PPT2: variants seen among roughly 807,000 people sequenced by gnomAD.
PPT2 encodes lysosomal thioesterase PPT2.
PPT2 carries 20 observed loss-of-function variants against 37.3 expected under a neutral mutation model. The observed-to-expected ratio is 0.54, with a 90% CI of 0.38 to 0.78. The LOEUF (loss-of-function observed/expected upper bound fraction) is 0.78. Ranked by LOEUF, PPT2 falls within the 30% of genes least tolerant of loss-of-function variation. The pLI is 0.00. For synonymous variants in PPT2, 135 were observed against 159.1 expected (o/e 0.85, Z 1.14); for missense variants, 270 against 389.8 (o/e 0.69, Z 2.59).
At chr6:32,153,555 G>A (rs1020828577), upstream of PPT2, 81 of 1,542,954 alleles carry the variant, frequency 5.2e-5, no homozygotes, top group African/African-American at 9.6e-5. This position sits in a 1 kb window ranked among gnomAD's most constrained non-coding sequence, Gnocchi z 4.4. Flanking sequence ...ACTGGGCCAG[G>A]CTGCACTTAG....
chr6:32,154,344 T>G lies in PPT2; in HGVS notation c.-69T>G, dbSNP rs1783579574. 7.1e-7 allele frequency: 1 copy of G among 1,414,850 alleles called. No individual in the cohort carries two copies. Among genetic ancestry groups the G allele is most frequent in the African/African-American group, 1.4e-5 (1 of 69,426 alleles). 87.6% of individuals were successfully genotyped at this position (1,414,850 alleles called of 1,614,324 possible). A position where few individuals can be genotyped will look rare whatever the true frequency, so the allele number is the denominator to read the frequency against. The stretch of plus-strand genomic sequence containing the variant: ...CTGAGGCGATGCATTAGGAAGATCC[T>G]GGACCTAGAGAACAAGTCCCCCGAA... On this transcript the variant is annotated 5_prime_UTR_variant, in exon 1 of 9. Transcript: ENST00000324816. This position sits in a 1 kb window ranked among gnomAD's most constrained non-coding sequence, Gnocchi z 7.3.
chr6:32,156,101 C>A lies in PPT2; in HGVS notation c.541+123C>A. 2.4e-6 allele frequency: 2 copies of A among 822,846 alleles called. No homozygotes were observed. The highest frequency in any genetic ancestry group is 2.6e-5 in the East Asian group (1 of 38,514). 51.0% of individuals were successfully genotyped at this position (822,846 alleles called of 1,614,324 possible). A position where few individuals can be genotyped will look rare whatever the true frequency, so the allele number is the denominator to read the frequency against. On this transcript the variant is annotated intron_variant, in intron 5 of 8. Coordinates refer to ENST00000324816, the MANE Select transcript of PPT2 (RefSeq NM_005155.7). The surrounding 1 kb of genome is among the most constrained non-coding windows in gnomAD (Gnocchi z 4.9). ...ATTTATTGAGTTATTTGAACAGGCT[C>A]TGTTCAGAATTTTTTTTTTTTTTGA...
In PPT2 at chr6:32,162,013, C is replaced by T. The variant is rs1482452402; in HGVS notation, c.711-555C>T. ...GATTACAGGTGTGAGCCACCTCGCC[C>T]GGCCAGTAATGCATTTTTGATGGGG... On this transcript the variant is annotated intron_variant, in intron 7 of 8. Transcript: ENST00000324816. The surrounding 1 kb of genome is among the most constrained non-coding windows in gnomAD (Gnocchi z 5.5). Among the ~76,000 whole-genome samples the T allele has an allele frequency of 2.6e-5, 4 of 152,084 alleles. No individual in the cohort carries two copies. The highest frequency in any genetic ancestry group is 2.9e-5 in the Non-Finnish European group (2 of 68,030).
chr6:32,159,191 T>G lies in PPT2; in HGVS notation c.710+1267T>G, dbSNP rs986404836. 9.2e-5 allele frequency among the ~76,000 whole-genome samples: 14 copies of G among 151,938 alleles called. 1 individual carries two copies. The highest frequency in any genetic ancestry group is 2.9e-4 in the African/African-American group (12 of 41,448). On this transcript the variant is annotated intron_variant, in intron 7 of 8. Coordinates refer to ENST00000324816, the MANE Select transcript of PPT2 (RefSeq NM_005155.7). The stretch of plus-strand genomic sequence containing the variant: ...GGCTCACGCCTGTAATCCCAGCACT[T>G]TGGGAGGCCGAGGCAGTGGATCACC...
chr6:32,157,749 C>T, intron 6 of PPT2, 29 bp downstream of exon 6: 1 of 1,568,806 alleles, frequency 6.4e-7, no homozygotes, highest in East Asian at 2.2e-5. Context: ...ACCTGTGTTG[C>T]TTTTTCTGCT....
At chr6:32,158,086 C>T (rs1327798150) in intron 7 of PPT2, 162 bp downstream of exon 7, 3 of 619,184 alleles carry the variant, frequency 4.8e-6, no homozygotes, top group African/African-American at 3.7e-5. Context: ...AGTCATATCC[C>T]AACCCCTTGT....
chr6:32,156,449 G>T lies in PPT2; in HGVS notation c.541+471G>T, dbSNP rs76528391. Reference sequence around the variant, plus strand: ...TCACCTTATTGCCTTAGAAGGTTTAGTCTGATGTGGGAGTCAGCAAACCTT... The same window carrying T: ...TCACCTTATTGCCTTAGAAGGTTTATTCTGATGTGGGAGTCAGCAAACCTT... On this transcript the variant is annotated intron_variant, in intron 5 of 8. Transcript: ENST00000324816. This position sits in a 1 kb window ranked among gnomAD's most constrained non-coding sequence, Gnocchi z 4.9. 7.5e-3 allele frequency among the ~76,000 whole-genome samples: 1,145 copies of T among 152,316 alleles called. 67 individuals are homozygous for T. In the East Asian group the frequency reaches 0.11, roughly 14 times the overall value.
At position 32,162,312 on chromosome 6, in the gene PPT2, C is replaced by T. The variant is rs112092191; in HGVS notation, c.711-256C>T. ...TCGACTCAATGCAACCTCCACCTCC[C>T]GGGTTCAAGTAATTATCCTGCCTCA... On this transcript the variant is annotated intron_variant, in intron 7 of 8. Coordinates refer to ENST00000324816, the MANE Select transcript of PPT2 (RefSeq NM_005155.7). This position sits in a 1 kb window ranked among gnomAD's most constrained non-coding sequence, Gnocchi z 5.5. 0.022 allele frequency among the ~76,000 whole-genome samples: 3,315 copies of T among 152,252 alleles called. 50 individuals carry two copies. Among genetic ancestry groups the T allele is most frequent in the Non-Finnish European group, 0.029 (1,991 of 68,004 alleles).
Position 32,155,156 on chromosome 6 carries a change from G to A in PPT2, c.310G>A (p.Gly104Arg). ...CCCCATCATGGCAAAGGCCCCTCAA[G>A]GGGTGCATCTCATCTGCTACTCGCA... is the stretch of plus-strand genomic sequence containing the variant. Reference protein sequence around the residue: ...VVPIMAKAPQGVHLICYSQGG... With the variant: ...VVPIMAKAPQRVHLICYSQGG... The change falls in exon 3 of 9, where the codon GGG (glycine) becomes AGG (arginine). Residue 104 changes from glycine (G) to arginine (R), a missense_variant. Physicochemically the swap from Gly to Arg is moderately radical, Grantham distance 125. Coordinates refer to ENST00000324816, the MANE Select transcript of PPT2 (RefSeq NM_005155.7). The surrounding 1 kb of genome is among the most constrained non-coding windows in gnomAD (Gnocchi z 4.3). 1 of 1,613,088 alleles carries A rather than the reference G, an allele frequency of 6.2e-7. No individual in the cohort carries two copies. Among genetic ancestry groups the A allele is most frequent in the Non-Finnish European group, 8.5e-7 (1 of 1,179,992 alleles).
rs556829505 is a variant in PPT2, at chr6:32,155,369, T to C, written c.337+186T>C. On this transcript the variant is annotated intron_variant, in intron 3 of 8. Coordinates refer to ENST00000324816, the MANE Select transcript of PPT2 (RefSeq NM_005155.7). The surrounding 1 kb of genome is among the most constrained non-coding windows in gnomAD (Gnocchi z 4.3). ...TCTCTGTCTTGAATGGGAGGGAGGC[T>C]CCCTACACTGCTGCCCTTTTGCTTC... Among the ~76,000 whole-genome samples the C allele has an allele frequency of 1.3e-5, 2 of 152,276 alleles. No individual in the cohort carries two copies. Among genetic ancestry groups the C allele is most frequent in the African/African-American group, 4.8e-5 (2 of 41,548 alleles).
At chr6:32,160,114 G>A (rs377251069) in intron 7 of PPT2, among the ~76,000 whole-genome samples, 42 of 151,614 alleles carry the variant, frequency 2.8e-4, no homozygotes, top group South Asian at 8.3e-4. Flanking sequence ...GCGTGATCTC[G>A]GCTCACTGCA....
Position 32,155,332 on chromosome 6 carries a change from A to G in PPT2, c.337+149A>G. ...CCCTTCCTTTCTGACTTCCCTCAGCACCTGGGTCTCATCTCTGTCTTGAAT... is the reference window on the plus strand; with the variant it reads ...CCCTTCCTTTCTGACTTCCCTCAGCGCCTGGGTCTCATCTCTGTCTTGAAT... On this transcript the variant is annotated intron_variant, in intron 3 of 8. Coordinates refer to ENST00000324816, the MANE Select transcript of PPT2 (RefSeq NM_005155.7). The surrounding 1 kb of genome is among the most constrained non-coding windows in gnomAD (Gnocchi z 4.3). The G allele has an allele frequency of 1.1e-6, 1 of 934,012 alleles. No individual in the cohort carries two copies. The highest frequency in any genetic ancestry group is 1.6e-6 in the Non-Finnish European group (1 of 624,820). 57.9% of individuals were successfully genotyped at this position (934,012 alleles called of 1,614,324 possible).
At chr6:32,154,066 C>T (rs772690837), upstream of PPT2, 1 of 1,100,616 alleles carries the variant, frequency 9.1e-7, no homozygotes, top group East Asian at 5.7e-5. The surrounding 1 kb of genome is among the most constrained non-coding windows in gnomAD (Gnocchi z 7.3). Flanking sequence ...GGAACGCTCG[C>T]GCGGTTGCCA....
Position 32,162,886 on chromosome 6 carries a change from C to A in PPT2, c.845C>A (p.Ser282Tyr). 6.2e-7 allele frequency: 1 copy of A among 1,614,012 alleles called. No individual in the cohort carries two copies. Among genetic ancestry groups the A allele is most frequent in the Non-Finnish European group, 8.5e-7 (1 of 1,179,904 alleles). Residue 282 changes from serine to tyrosine, a missense_variant, in exon 9 of 9, where the codon TCC becomes TAC. Physicochemically the swap from Ser to Tyr is moderately radical, Grantham distance 144 (BLOSUM62 -2). Coordinates refer to ENST00000324816, the MANE Select transcript of PPT2 (RefSeq NM_005155.7). The surrounding 1 kb of genome is among the most constrained non-coding windows in gnomAD (Gnocchi z 5.5). ...GTGAGGTGTCCAATGGCCGGTATCTCCCACACAGCCTGGCACTCCAACCGT... is the reference window on the plus strand; with the variant it reads ...GTGAGGTGTCCAATGGCCGGTATCTACCACACAGCCTGGCACTCCAACCGT... Reference protein sequence around the residue: ...AIVRCPMAGISHTAWHSNRTL... With the variant: ...AIVRCPMAGIYHTAWHSNRTL...
rs937409362 is a variant in PPT2, at chr6:32,156,588, T to C, written c.541+610T>C. Among the ~76,000 whole-genome samples the C allele has an allele frequency of 2.0e-5, 3 of 152,214 alleles. No homozygotes were observed. Among genetic ancestry groups the C allele is most frequent in the African/African-American group, 4.8e-5 (2 of 41,448 alleles). On this transcript the variant is annotated intron_variant, in intron 5 of 8. Transcript: ENST00000324816. This position sits in a 1 kb window ranked among gnomAD's most constrained non-coding sequence, Gnocchi z 4.9. ...AAAGCAGCCATGTACCATATGTGAA[T>C]GAATGTGCCTGTGTTCCAGTAAAAC...
At chr6:32,161,501 C>G (rs1784152786) in intron 7 of PPT2, among the ~76,000 whole-genome samples, 1 of 151,224 alleles carries the variant, frequency 6.6e-6, no homozygotes, top group South Asian at 2.1e-4. Context: ...GTTGGCCAGG[C>G]TGGTCTTGAA....
rs1487391182 is a variant in PPT2, at chr6:32,154,904, G to A, written c.184-126G>A. 14 of 1,530,768 alleles carry A rather than the reference G, an allele frequency of 9.1e-6. No homozygotes were observed. The highest frequency in any genetic ancestry group is 1.2e-5 in the Non-Finnish European group (13 of 1,122,688). The allele number at this position is 1,530,768 out of a possible 1,614,324, so 94.8% of individuals were successfully genotyped here. ...CCTCAGGGAGCTGGTGCTGGCGTGG[G>A]GGAGAGTTGGGGGACGGGATCCCTG... is the stretch of plus-strand genomic sequence containing the variant. On this transcript the variant is annotated intron_variant, in intron 2 of 8. Coordinates refer to ENST00000324816, the MANE Select transcript of PPT2 (RefSeq NM_005155.7). The surrounding 1 kb of genome is among the most constrained non-coding windows in gnomAD (Gnocchi z 7.3).
chr6:32,161,803 C>T (rs1216542742), intron 7 of PPT2, among the ~76,000 whole-genome samples: 1 of 146,834 alleles, frequency 6.8e-6, no homozygotes, highest in African/African-American at 2.5e-5. Context: ...AGGCTGGTCT[C>T]GAATTCCTGA....
chr6:32,157,549 A>T (rs1273463605), intron 5 of PPT2, 88 bp from the exon 6 acceptor site: 2 of 1,126,210 alleles, frequency 1.8e-6, no homozygotes, highest in African/African-American at 3.1e-5. Context: ...ATCCACCTTG[A>T]CTATTGCTGC....
Sources: allele counts gnomAD v4.1 joint callset (sites outside exome capture counted in the v4.1 genomes callset), GRCh38; gene constraint gnomAD v4.1.1; non-coding constraint Gnocchi (gnomAD v3.1); transcripts MANE v1.5; gene names NCBI Gene and HGNC (gene_info 2026-07-23, HGNC 2026-07-21).